Variants in LAMA2 observed in about 807,000 individuals in gnomAD.
The protein encoded by LAMA2 is laminin subunit alpha 2.
In LAMA2, 269 loss-of-function variants were observed where a neutral mutation model predicts 364.8. The ratio of observed to expected loss-of-function variants is 0.74; its 90% confidence interval spans 0.67 to 0.82. The LOEUF (loss-of-function observed/expected upper bound fraction) is 0.82, where lower values mean the gene tolerates loss of function less well. LAMA2 is among the 40% of genes least tolerant of loss of function. The probability of loss-of-function intolerance (pLI) is 0.00; values close to 1 mark genes in which losing one functional copy is unlikely to be tolerated. For synonymous variants in LAMA2, 1,379 were observed against 1,370.6 expected, an observed-to-expected ratio of 1.01 and a Z score of -0.14; for missense variants, 3,807 against 3,873.2, an observed-to-expected ratio of 0.98 and a Z score of 0.45.
chr6:129,401,083 A>G, intron 37 of LAMA2, 141 bp from the exon 38 acceptor site: 1 of 739,682 alleles, frequency 1.4e-6, no homozygotes, highest in Non-Finnish European at 2.5e-6. Flanking sequence ...AGTAGTTTAT[A>G]TTTTTCTCAT....
chr6:129,439,825 CATAT>C (rs5879948), intron 42 of LAMA2, among the ~76,000 whole-genome samples: 1,457 of 123,680 alleles, frequency 0.012, 24 homozygotes, highest in African/African-American at 0.014. Context: ...ATCAATTGGT[CATAT>C]ATATATATAT....
At chr6:128,936,922 A>G (rs537919305) in intron 1 of LAMA2, among the ~76,000 whole-genome samples, 77 of 152,246 alleles carry the variant, frequency 5.1e-4, no homozygotes, top group Non-Finnish European at 1.0e-3. Context: ...TGCATATGAT[A>G]TCAATGTCCA....
At chr6:129,304,135 C>T (rs1773717112) in intron 22 of LAMA2, among the ~76,000 whole-genome samples, 1 of 152,134 alleles carries the variant, frequency 6.6e-6, no homozygotes, top group Non-Finnish European at 1.5e-5. Flanking sequence ...ATCCTATAGA[C>T]ATTAAGATAA....
chr6:129,277,939 T>C (rs991432039), intron 17 of LAMA2, among the ~76,000 whole-genome samples: 1 of 152,172 alleles, frequency 6.6e-6, no homozygotes, highest in African/African-American at 2.4e-5. Context: ...CAATGGCTCA[T>C]GCCTGTAATC....
chr6:129,287,715 C>T lies in LAMA2; in HGVS notation c.2538-132C>T, dbSNP rs1038866340. On this transcript the variant is annotated intron_variant, in intron 18 of 64. Transcript: ENST00000421865. Reference sequence around the variant, plus strand: ...TTGTAGAAAAACATTTTTTTAATCACGTTGCGTTTGAGAAAAGGAACACTT... The same window carrying T: ...TTGTAGAAAAACATTTTTTTAATCATGTTGCGTTTGAGAAAAGGAACACTT... 174 of 802,554 alleles carry T rather than the reference C, an allele frequency of 2.2e-4. 2 individuals carry two copies. Among genetic ancestry groups the T allele is most frequent in the Middle Eastern group, 7.0e-4 (2 of 2,872 alleles). The allele number at this position is 802,554 out of a possible 1,614,324, so 49.7% of individuals were successfully genotyped here.
At chr6:129,450,773 A>G (rs1392994830) in intron 45 of LAMA2, among the ~76,000 whole-genome samples, 1 of 152,216 alleles carries the variant, frequency 6.6e-6, no homozygotes, top group East Asian at 1.9e-4. Flanking sequence ...TCAGAATTGG[A>G]TATGATTGTC....
chr6:129,167,531 A>T (rs868106866), intron 9 of LAMA2, among the ~76,000 whole-genome samples: 21 of 151,900 alleles, frequency 1.4e-4, no homozygotes, highest in Middle Eastern at 3.4e-3. Flanking sequence ...ATGGTGTATA[A>T]GTGCCACATT....
chr6:129,066,718 A>T (rs1328752711), intron 3 of LAMA2, among the ~76,000 whole-genome samples: 1 of 152,250 alleles, frequency 6.6e-6, no homozygotes, highest in African/African-American at 2.4e-5. Context: ...CTGCTAACTT[A>T]AAAACAGATA....
intron 31 of LAMA2, among the ~76,000 whole-genome samples, chr6:129,349,923 C>A (rs1440489529): frequency 6.6e-6 from 1 of 152,016 alleles, no homozygotes; most frequent in African/African-American, 2.4e-5. Flanking sequence ...AATAGGCAAA[C>A]AATATTATTT....
chr6:128,891,126 G>T (rs1776427672), intron 1 of LAMA2, among the ~76,000 whole-genome samples: 1 of 151,914 alleles, frequency 6.6e-6, no homozygotes, highest in South Asian at 2.1e-4. Flanking sequence ...TTGTCTTAAG[G>T]TATTAGATTT....
chr6:129,197,038 CAG>C, intron 12 of LAMA2, among the ~76,000 whole-genome samples: 1 of 152,268 alleles, frequency 6.6e-6, no homozygotes, highest in East Asian at 1.9e-4. Flanking sequence ...AACATTAAAA[CAG>C]AGATTTTAAA....
At chr6:129,077,840 T>C (rs1454957494) in intron 3 of LAMA2, among the ~76,000 whole-genome samples, 1 of 152,192 alleles carries the variant, frequency 6.6e-6, no homozygotes, top group Non-Finnish European at 1.5e-5. Context: ...TTTCTCACTT[T>C]CTTTAAAACT....
At chr6:129,027,391 T>C (rs916510167) in intron 1 of LAMA2, among the ~76,000 whole-genome samples, 1 of 152,000 alleles carries the variant, frequency 6.6e-6, no homozygotes, top group African/African-American at 2.4e-5. Flanking sequence ...TATCTCTGTG[T>C]TTTTTGTGGG....
chr6:129,103,411 G>A (rs1010005900), intron 4 of LAMA2, among the ~76,000 whole-genome samples: 2 of 152,132 alleles, frequency 1.3e-5, no homozygotes, highest in African/African-American at 4.8e-5. Context: ...CAATGCACAT[G>A]TTAAAACTAA....
At chr6:129,200,516 A>G (rs1203287814) in intron 12 of LAMA2, among the ~76,000 whole-genome samples, 2 of 151,290 alleles carry the variant, frequency 1.3e-5, no homozygotes, top group Non-Finnish European at 2.9e-5. Flanking sequence ...GTGTGTGTAT[A>G]TGCATATATG....
chr6:129,376,783 C>T (rs182174559), intron 34 of LAMA2, among the ~76,000 whole-genome samples: 114 of 152,306 alleles, frequency 7.5e-4, no homozygotes, highest in African/African-American at 2.6e-3. Flanking sequence ...CAAGATTCCT[C>T]CTGTGCTTAT....
chr6:129,287,960 G>A lies in LAMA2; in HGVS notation c.2651G>A (p.Gly884Asp). Reference sequence around the variant, plus strand: ...CCTGGCAGCTGTGACAGCTTGTCTGGCTCCTGTCTGATATGTAAACCAGGT... The same window carrying A: ...CCTGGCAGCTGTGACAGCTTGTCTGACTCCTGTCTGATATGTAAACCAGGT... Reference protein sequence around the residue: ...SIPGSCDSLSGSCLICKPGTT... With the variant: ...SIPGSCDSLSDSCLICKPGTT... Residue 884 changes from glycine (G) to aspartate (D), a missense_variant, in exon 19 of 65, where the codon GGC (glycine) becomes GAC (aspartate). Gly to Asp is a moderately conservative substitution (Grantham distance 94, BLOSUM62 -1). Transcript: ENST00000421865. 6 of 1,614,046 alleles carry A rather than the reference G, an allele frequency of 3.7e-6. No individual in the cohort carries two copies. The highest frequency in any genetic ancestry group is 5.1e-6 in the Non-Finnish European group (6 of 1,179,946).
intron 1 of LAMA2, among the ~76,000 whole-genome samples, chr6:128,960,836 T>C (rs962341940): frequency 1.3e-5 from 2 of 152,192 alleles, no homozygotes; most frequent in African/African-American, 2.4e-5. Context: ...GCATGCCATA[T>C]GTTTTGCTAG....
intron 48 of LAMA2, among the ~76,000 whole-genome samples, chr6:129,458,448 GA>G (rs1362839024): frequency 1.3e-5 from 2 of 151,996 alleles, no homozygotes; most frequent in African/African-American, 4.8e-5. Context: ...TGCCACACCA[GA>G]ATATGAACCA....
Sources: gnomAD v4.1 joint callset for allele counts (sites outside exome capture counted in the v4.1 genomes callset) on GRCh38, gnomAD v4.1.1 for gene constraint, MANE v1.5 for transcripts, NCBI Gene and HGNC (gene_info 2026-07-23, HGNC 2026-07-21) for gene names.